TAF1: variants seen among roughly 807,000 people sequenced by gnomAD.
The protein encoded by TAF1 is TATA-box binding protein associated factor 1, also known as transcription initiation factor TFIID subunit 1.
A neutral mutation model predicts 138.5 loss-of-function variants in TAF1; 2 were observed. That is an observed-to-expected ratio of 0.01 (90% CI 0.01 to 0.05). The LOEUF is 0.05. TAF1 is among the 10% of genes least tolerant of loss of function. The pLI is 1.00. For missense variants in TAF1, 709 were observed against 1,478.0 expected (o/e 0.48, Z 8.53); for synonymous variants, 437 against 503.2 (o/e 0.87, Z 1.76).
intron 13 of TAF1, among the ~76,000 whole-genome samples, chrX:71,477,080 C>T (rs757318854): frequency 7.9e-4 from 85 of 108,219 alleles, no homozygotes; most frequent in African/African-American, 2.6e-3. Flanking sequence ...CTGGGATTAC[C>T]GGTGCCTGCC....
At chrX:71,460,989 C>A in intron 37 of TAF1, 186 bp downstream of exon 37, 1 of 515,476 alleles carries the variant, frequency 1.9e-6, no homozygotes, top group Non-Finnish European at 3.2e-6. Flanking sequence ...GAGCCCACAG[C>A]CTAGTGGAAA....
At chrX:71,482,711 T>G (rs1177817918) in intron 13 of TAF1, among the ~76,000 whole-genome samples, 1 of 111,687 alleles carries the variant, frequency 9.0e-6, no homozygotes, top group Non-Finnish European at 1.9e-5. Flanking sequence ...TGCTGAAGGT[T>G]GGGGTGGCTG....
chrX:71,495,183 C>T (rs145697444), intron 13 of TAF1, among the ~76,000 whole-genome samples: 3,800 of 111,773 alleles, frequency 0.034, 69 homozygotes, highest in Middle Eastern at 0.088. Context: ...AGGGGCCCTG[C>T]AGTTGTAGTG....
intron 22 of TAF1, among the ~76,000 whole-genome samples, chrX:71,395,211 A>T (rs1173986224): frequency 8.9e-6 from 1 of 111,847 alleles, no homozygotes; most frequent in Non-Finnish European, 1.9e-5. Flanking sequence ...CCATTGATTA[A>T]AGTAGTGAAT....
At chrX:71,529,049 CAG>C (rs2040053499) in intron 14 of TAF1, among the ~76,000 whole-genome samples, 1 of 109,861 alleles carries the variant, frequency 9.1e-6, no homozygotes. Flanking sequence ...TAGCTAGAAA[CAG>C]AGCGCTGATT....
At chrX:71,457,993 T>C (rs1440976047) in intron 34 of TAF1, among the ~76,000 whole-genome samples, 1 of 112,626 alleles carries the variant, frequency 8.9e-6, no homozygotes, top group Non-Finnish European at 1.9e-5. Flanking sequence ...GGACATAAAA[T>C]TGTCCCATAG....
chrX:71,480,656 C>T (rs2039054731), intron 13 of TAF1, among the ~76,000 whole-genome samples: 1 of 111,421 alleles, frequency 9.0e-6, no homozygotes, highest in African/African-American at 3.3e-5. Flanking sequence ...TGGAGAGAGG[C>T]AATAAATATC....
At chrX:71,410,359 G>A (rs1314050109) in intron 28 of TAF1, among the ~76,000 whole-genome samples, 5 of 106,256 alleles carry the variant, frequency 4.7e-5, no homozygotes, top group South Asian at 4.1e-4. Context: ...CATGGCACAC[G>A]TTTACCTATG....
intron 32 of TAF1, among the ~76,000 whole-genome samples, chrX:71,431,730 C>T (rs2036896491): frequency 9.1e-6 from 1 of 110,335 alleles, no homozygotes; most frequent in Non-Finnish European, 1.9e-5. Flanking sequence ...TCCTGGCCAA[C>T]ATAGTGAAAC....
intron 13 of TAF1, among the ~76,000 whole-genome samples, chrX:71,473,790 T>C (rs1411510689): frequency 9.1e-6 from 1 of 109,913 alleles, no homozygotes; most frequent in Admixed American, 9.9e-5. Flanking sequence ...ATTGGAGCAT[T>C]GGGTATATAG....
At position 71,465,995 on chromosome X, in the gene TAF1, A is replaced by G. The variant is rs190486499; in HGVS notation, c.*1949A>G. On this transcript the variant is annotated 3_prime_UTR_variant, in exon 38 of 38. Transcript: ENST00000423759. The stretch of plus-strand genomic sequence containing the variant: ...GTATTATTTTTGTAATAAAAATTTT[A>G]AAAAATTCCAGCAGTAGTGTGGAGA... 9 of 112,161 alleles carry G rather than the reference A, an allele frequency of 8.0e-5. No individual in the cohort carries two copies. The East Asian group carries it at 2.5e-3, about 31-fold the overall frequency. 9.2% of individuals were successfully genotyped at this position (112,161 alleles called of 1,213,427 possible). A position where few individuals can be genotyped will look rare whatever the true frequency, so the allele number is the denominator to read the frequency against.
intron 18 of TAF1, 113 bp downstream of exon 18, chrX:71,389,778 G>A (rs899665518): frequency 1.7e-5 from 9 of 523,686 alleles, no homozygotes; most frequent in Non-Finnish European, 2.6e-5. Flanking sequence ...AAAGTATACT[G>A]TTAGATGTTC....
intron 13 of TAF1, among the ~76,000 whole-genome samples, chrX:71,471,639 G>T (rs754607044): frequency 5.5e-5 from 6 of 109,640 alleles, no homozygotes; most frequent in African/African-American, 2.0e-4. Flanking sequence ...TGGACAAAAG[G>T]CACAAACAAA....
rs2036332669 is a variant in TAF1 at position 71,421,322 on chromosome X, A to G, written c.4398A>G (p.Ser1466=). 1 of 1,146,440 alleles carries G rather than the reference A, an allele frequency of 8.7e-7. No individual in the cohort carries two copies. Among genetic ancestry groups the G allele is most frequent in the Admixed American group, 2.3e-5 (1 of 43,601 alleles). 94.5% of individuals were successfully genotyped at this position (1,146,440 alleles called of 1,213,427 possible). ...GTTCCTCTACAGGGCCAAAACACTCATTGACTCAGATCTCTCAATCCATGC... is the reference window on the plus strand; with the variant it reads ...GTTCCTCTACAGGGCCAAAACACTCGTTGACTCAGATCTCTCAATCCATGC... ...NSATYNGPKH[S]LTQISQSMLD... Residue 1466 remains serine, a synonymous_variant, in exon 29 of 38, where the codon TCA becomes TCG. Coordinates refer to ENST00000423759, the MANE Select transcript of TAF1 (RefSeq NM_004606.5).
At chrX:71,431,622 A>G (rs1160354179) in intron 32 of TAF1, among the ~76,000 whole-genome samples, 2 of 111,159 alleles carry the variant, frequency 1.8e-5, no homozygotes, top group African/African-American at 6.5e-5. Context: ...CCAATATTTA[A>G]GATAACAGGT....
At chrX:71,391,529 AAC>A (rs1280754248) in intron 18 of TAF1, among the ~76,000 whole-genome samples, 5 of 111,130 alleles carry the variant, frequency 4.5e-5, no homozygotes, top group Non-Finnish European at 9.4e-5. Context: ...AAAAAAGAAA[AAC>A]AATTTTTTTT....
chrX:71,466,462 C>A (rs936358620), downstream of TAF1: 7 of 111,582 alleles, frequency 6.3e-5, no homozygotes, highest in African/African-American at 2.3e-4. Flanking sequence ...ACTGCAACAT[C>A]CGCCTCCCGG....
intron 13 of TAF1, among the ~76,000 whole-genome samples, chrX:71,490,682 T>G (rs1436680736): frequency 1.8e-5 from 2 of 110,357 alleles, no homozygotes; most frequent in Non-Finnish European, 3.8e-5. Context: ...TGGAACAGAA[T>G]AGAGAACCCA....
At chrX:71,461,423 T>G (rs1389046977) in intron 37 of TAF1, among the ~76,000 whole-genome samples, 1 of 111,055 alleles carries the variant, frequency 9.0e-6, no homozygotes, top group Admixed American at 9.7e-5. Flanking sequence ...ATCAAATTTG[T>G]ATAACTTAGG....
Sources: gnomAD v4.1 joint callset for allele counts (sites outside exome capture counted in the v4.1 genomes callset) on GRCh38, gnomAD v4.1.1 for gene constraint, MANE v1.5 for transcripts, NCBI Gene and HGNC (gene_info 2026-07-23, HGNC 2026-07-21) for gene names.